The following STK31 variants were observed in gnomAD, a reference collection of about 807,000 sequenced individuals.
STK31 encodes serine/threonine-protein kinase 31.
In STK31, 89 loss-of-function variants were observed where a neutral mutation model predicts 129.7. The observed-to-expected ratio is 0.69, with a 90% CI of 0.58 to 0.82. The LOEUF (loss-of-function observed/expected upper bound fraction) is 0.82. Ranked by LOEUF, STK31 falls within the 40% of genes least tolerant of loss-of-function variation. STK31 has a pLI of 0.00. For synonymous variants in STK31, 448 were observed against 395.3 expected, an observed-to-expected ratio of 1.13 and a Z score of -1.58; for missense variants, 1,187 against 1,176.4, an observed-to-expected ratio of 1.01 and a Z score of -0.13.
intron 3 of STK31, among the ~76,000 whole-genome samples, chr7:23,717,205 A>G (rs1221633875): frequency 1.3e-5 from 2 of 148,606 alleles, no homozygotes; most frequent in East Asian, 2.0e-4. Flanking sequence ...CAATCAAATC[A>G]ATCTTTAAGG....
At chr7:23,821,270 A>T (rs146291578) in intron 23 of STK31, among the ~76,000 whole-genome samples, 1 of 152,194 alleles carries the variant, frequency 6.6e-6, no homozygotes, top group Non-Finnish European at 1.5e-5. Context: ...CTAACAATGT[A>T]TAACAGTTTC....
chr7:23,831,727 G>A (rs1287421842), intron 23 of STK31, among the ~76,000 whole-genome samples: 1 of 152,108 alleles, frequency 6.6e-6, no homozygotes, highest in African/African-American at 2.4e-5. Flanking sequence ...TTATTTGTGT[G>A]TTTGTTTTAC....
intron 6 of STK31, among the ~76,000 whole-genome samples, chr7:23,734,124 A>G (rs1787586231): frequency 1.3e-5 from 2 of 151,804 alleles, no homozygotes; most frequent in East Asian, 1.9e-4. Flanking sequence ...GTGTTTTTAC[A>G]CTCTTGTTTG....
chr7:23,824,950 A>G (rs561354393), intron 23 of STK31, among the ~76,000 whole-genome samples: 1 of 152,076 alleles, frequency 6.6e-6, no homozygotes, highest in Non-Finnish European at 1.5e-5. Flanking sequence ...GATGAAGCCC[A>G]CTTGATCATG....
At position 23,729,859 on chromosome 7, in the gene STK31, A is replaced by G. The variant is rs187056915; in HGVS notation, c.483+610A>G. 7.9e-3 allele frequency among the ~76,000 whole-genome samples: 1,202 copies of G among 152,288 alleles called. 20 individuals are homozygous for G. The highest frequency in any genetic ancestry group is 5.6e-3 in the Non-Finnish European group (379 of 68,024). ...GAAAATAATGAATACAGTTATTTCTATAATTGTTTTGGGAAAGTATTTATT... is the reference window on the plus strand; with the variant it reads ...GAAAATAATGAATACAGTTATTTCTGTAATTGTTTTGGGAAAGTATTTATT... On this transcript the variant is annotated intron_variant, in intron 6 of 23. Transcript: ENST00000355870.
At chr7:23,710,395 C>G in intron 1 of STK31, 60 bp downstream of exon 1, 2 of 1,611,778 alleles carry the variant, frequency 1.2e-6, no homozygotes, top group Non-Finnish European at 1.7e-6. Flanking sequence ...ATTTTCGTCG[C>G]TGCTTGCGTT....
At chr7:23,711,265 C>T (rs1276422892) in intron 1 of STK31, among the ~76,000 whole-genome samples, 4 of 151,906 alleles carry the variant, frequency 2.6e-5, no homozygotes, top group African/African-American at 4.8e-5. Context: ...GGTGAAACCC[C>T]GTCTCTACTA....
intron 14 of STK31, 144 bp from the exon 15 acceptor site, chr7:23,772,003 T>C: frequency 3.8e-6 from 2 of 525,978 alleles, no homozygotes; most frequent in South Asian, 4.1e-5. Context: ...TTGAATTGTC[T>C]TGTTGAAAAT....
chr7:23,779,878 G>C lies in STK31; in HGVS notation c.1966-1541G>C, dbSNP rs79744904. On this transcript the variant is annotated intron_variant, in intron 15 of 23. Transcript: ENST00000355870. Reference sequence around the variant, plus strand: ...TCTTGCTGGCATTCCAGGTGCAAGGGGGGTATGAATAAATATTCCAGCAGC... The same window carrying C: ...TCTTGCTGGCATTCCAGGTGCAAGGCGGGTATGAATAAATATTCCAGCAGC... Among the ~76,000 whole-genome samples the C allele has an allele frequency of 6.8e-3, 1,030 of 152,292 alleles. 72 individuals carry two copies. The East Asian group carries it at 0.18, about 26-fold the overall frequency.
At chr7:23,798,774 G>A (rs1474728394) in intron 22 of STK31, among the ~76,000 whole-genome samples, 1 of 151,570 alleles carries the variant, frequency 6.6e-6, no homozygotes, top group Non-Finnish European at 1.5e-5. Context: ...AGAAAGAAAG[G>A]GTATTCAAAT....
At position 23,829,190 on chromosome 7, in the gene STK31, C is replaced by T. The variant is rs759150978; in HGVS notation, c.2830-2946C>T. ...CCTCCCAAAGTGATGGGATTACAGG[C>T]GTGAGCCACTGTGTCTCACTAGAGG... is the stretch of plus-strand genomic sequence containing the variant. On this transcript the variant is annotated intron_variant, in intron 23 of 23. Transcript: ENST00000355870. Among the ~76,000 whole-genome samples the T allele has an allele frequency of 1.8e-4, 27 of 152,096 alleles. No homozygotes were observed. The East Asian group carries it at 5.2e-3, about 29-fold the overall frequency.
At chr7:23,792,115 T>G (rs940704601) in intron 22 of STK31, among the ~76,000 whole-genome samples, 2 of 152,194 alleles carry the variant, frequency 1.3e-5, no homozygotes, top group Admixed American at 6.5e-5. Context: ...CCATATAGTT[T>G]GCTGATCTCT....
At chr7:23,738,513 G>A (rs541610642) in intron 8 of STK31, among the ~76,000 whole-genome samples, 1 of 152,040 alleles carries the variant, frequency 6.6e-6, no homozygotes, top group African/African-American at 2.4e-5. Flanking sequence ...TCAGTCTCCT[G>A]CCTAGCTCGG....
chr7:23,830,642 G>T (rs908194447), intron 23 of STK31, among the ~76,000 whole-genome samples: 2 of 140,370 alleles, frequency 1.4e-5, no homozygotes, highest in Non-Finnish European at 3.1e-5. Flanking sequence ...TTTTTGAGCT[G>T]GGGGTCTCAC....
At chr7:23,734,569 A>T (rs947160186) in intron 6 of STK31, among the ~76,000 whole-genome samples, 1 of 152,166 alleles carries the variant, frequency 6.6e-6, no homozygotes, top group African/African-American at 2.4e-5. Context: ...GCTTAGTTCT[A>T]TTGATAGATA....
chr7:23,715,844 T>A (rs1270474934), intron 3 of STK31, among the ~76,000 whole-genome samples: 1 of 152,168 alleles, frequency 6.6e-6, no homozygotes, highest in Admixed American at 6.5e-5. Flanking sequence ...TGTTGGTATA[T>A]TTCTTTAGAA....
intron 8 of STK31, among the ~76,000 whole-genome samples, chr7:23,747,570 A>G (rs1016409787): frequency 3.3e-5 from 5 of 151,882 alleles, no homozygotes; most frequent in Admixed American, 2.0e-4. Context: ...GGGTTTCACT[A>G]TGTTAGCCAG....
chr7:23,729,274 T>C (rs753289993), intron 6 of STK31, 25 bp downstream of exon 6: 7 of 1,553,618 alleles, frequency 4.5e-6, no homozygotes, highest in East Asian at 2.3e-5. Context: ...TTAAATATTT[T>C]TGCTAATGAA....
rs1397552373 is a variant in STK31, at chr7:23,790,953, TA to T, written c.2760+8del. 8 of 1,542,884 alleles carry T rather than the reference TA, an allele frequency of 5.2e-6. No homozygotes were observed. In the African/African-American group the frequency reaches 9.8e-5, roughly 19 times the overall value. ...TGGCTGCCTCTTATTATGGGTATGT[TA>T]TTTTTTTGTTGAAATAGATCATATA... is the stretch of plus-strand genomic sequence containing the variant. On this transcript the variant is annotated splice_region_variant and intron_variant, in intron 22 of 23. Transcript: ENST00000355870.
Sources: gnomAD v4.1 joint callset for allele counts (sites outside exome capture counted in the v4.1 genomes callset) on GRCh38, gnomAD v4.1.1 for gene constraint, MANE v1.5 for transcripts, NCBI Gene and HGNC (gene_info 2026-07-23, HGNC 2026-07-21) for gene names.